ANKRD30B: variants seen among roughly 807,000 people sequenced by gnomAD.
ANKRD30B encodes ankyrin repeat domain 30B, also known as ankyrin repeat domain-containing protein 30B.
ANKRD30B carries 144 observed loss-of-function variants against 202.2 expected under a neutral mutation model. The observed-to-expected ratio is 0.71, with a 90% confidence interval of 0.62 to 0.82. The LOEUF is 0.82. Among genes scored for constraint, ANKRD30B ranks in the 40% least tolerant of loss-of-function variants. The pLI is 0.00. For missense variants in ANKRD30B, 1,487 were observed against 1,669.1 expected (o/e 0.89, Z 1.90); for synonymous variants, 508 against 561.3 (o/e 0.91, Z 1.34).
chr18:14,790,369 A>C (rs1477820051), intron 15 of ANKRD30B, among the ~76,000 whole-genome samples: 1 of 152,182 alleles, frequency 6.6e-6, no homozygotes, highest in African/African-American at 2.4e-5. Context: ...TTCCTAATTG[A>C]ATACCCTTTA....
At chr18:14,806,360 C>T (rs1467815093) in intron 24 of ANKRD30B, among the ~76,000 whole-genome samples, 1 of 151,020 alleles carries the variant, frequency 6.6e-6, no homozygotes, top group African/African-American at 2.4e-5. Flanking sequence ...TCCTACTTCA[C>T]GCTATATTAG....
rs1971918004 is a variant in ANKRD30B at position 14,852,223 on chromosome 18, A to G, written c.4279A>G (p.Ser1427Gly). The change falls in exon 42 of 44, where the codon AGC (serine) becomes GGC (glycine). Residue 1427 changes from serine (S) to glycine (G), a missense_variant. Physicochemically the swap from Ser to Gly is moderately conservative, Grantham distance 56. Transcript: ENST00000690538. The part of the protein sequence containing the change: ...SLEQKLFQLE[S>G]KNRWLRQQLV... Reference sequence around the variant, plus strand: ...GGAGCAGAAATTATTTCAACTAGAAAGCAAAAATAGGTGGCTTCGACAGCA... The same window carrying G: ...GGAGCAGAAATTATTTCAACTAGAAGGCAAAAATAGGTGGCTTCGACAGCA... 6.3e-7 allele frequency: 1 copy of G among 1,583,452 alleles called. No homozygotes were observed. Among genetic ancestry groups the G allele is most frequent in the Admixed American group, 1.8e-5 (1 of 56,710 alleles).
intron 30 of ANKRD30B, among the ~76,000 whole-genome samples, chr18:14,820,763 G>C (rs980580762): frequency 9.9e-5 from 15 of 152,198 alleles, no homozygotes; most frequent in African/African-American, 3.4e-4. Context: ...GATTCATTTT[G>C]CCAGTATTTT....
chr18:14,894,258 T>A, the ANKRD30B span, among the ~76,000 whole-genome samples: 12 of 152,324 alleles, frequency 7.9e-5, no homozygotes, highest in East Asian at 1.2e-3. Flanking sequence ...ATTACTTTTT[T>A]AAAAAATTAT....
At chr18:14,821,757 C>G (rs1970434783) in intron 30 of ANKRD30B, among the ~76,000 whole-genome samples, 1 of 152,140 alleles carries the variant, frequency 6.6e-6, no homozygotes. Flanking sequence ...GGCACCTGGA[C>G]TGTATTAGTT....
chr18:14,818,461 C>A (rs1303552882), intron 30 of ANKRD30B, among the ~76,000 whole-genome samples: 1 of 151,388 alleles, frequency 6.6e-6, no homozygotes, highest in South Asian at 2.1e-4. Flanking sequence ...GCTGCACCCA[C>A]CAACTCGTCA....
the ANKRD30B span, among the ~76,000 whole-genome samples, chr18:14,860,529 C>A: frequency 7.0e-6 from 1 of 143,344 alleles, no homozygotes; most frequent in Admixed American, 7.1e-5. Context: ...CCCCACTTCC[C>A]AGACAAGGTG....
At chr18:14,831,254 G>A in intron 33 of ANKRD30B, 129 bp from the exon 34 acceptor site, 1 of 477,796 alleles carries the variant, frequency 2.1e-6, no homozygotes, top group Non-Finnish European at 3.8e-6. Context: ...TTAATATATT[G>A]AGGACTGATC....
Position 14,808,517 on chromosome 18 carries a change from A to G in ANKRD30B, c.2285-34A>G, listed in dbSNP as rs760051065. On this transcript the variant is annotated intron_variant, in intron 24 of 43. Coordinates refer to ENST00000690538, the MANE Select transcript of ANKRD30B (RefSeq NM_001367607.2). The stretch of plus-strand genomic sequence containing the variant: ...GCTTGGTAGGCTTTGTCAGGCTTGC[A>G]TATAATCAATTATATATGTCCCTTT... 2.9e-5 allele frequency: 41 copies of G among 1,402,508 alleles called. 2 individuals are homozygous for G. The highest frequency in any genetic ancestry group is 3.8e-5 in the Non-Finnish European group (38 of 993,152). The allele number at this position is 1,402,508 out of a possible 1,614,324, so 86.9% of individuals were successfully genotyped here. A position where few individuals can be genotyped will look rare whatever the true frequency, so the allele number is the denominator to read the frequency against.
At chr18:14,911,567 C>A in the ANKRD30B span, among the ~76,000 whole-genome samples, 1 of 151,760 alleles carries the variant, frequency 6.6e-6, no homozygotes, top group Non-Finnish European at 1.5e-5. Context: ...GTGATGCCTC[C>A]TCCTTTGTTC....
chr18:14,932,645 C>A, the ANKRD30B span, among the ~76,000 whole-genome samples: 1 of 152,164 alleles, frequency 6.6e-6, no homozygotes, highest in South Asian at 2.1e-4. Flanking sequence ...CCTCCCCTAT[C>A]TCTATCTTAA....
At chr18:14,793,665 C>T (rs1417654333) in intron 16 of ANKRD30B, among the ~76,000 whole-genome samples, 22 of 152,150 alleles carry the variant, frequency 1.4e-4, no homozygotes, top group African/African-American at 4.8e-4. Context: ...GAGGCCGAGG[C>T]GGGCGGATCA....
At chr18:14,759,830 C>G (rs1190114716) in intron 5 of ANKRD30B, among the ~76,000 whole-genome samples, 5 of 152,108 alleles carry the variant, frequency 3.3e-5, no homozygotes, top group Admixed American at 1.3e-4. Flanking sequence ...CATCTAATAA[C>G]CAAAAGTAGG....
rs545723902 is a variant in ANKRD30B at position 14,809,385 on chromosome 18, A to C, written c.2387-601A>C. 8.5e-4 allele frequency among the ~76,000 whole-genome samples: 129 copies of C among 151,130 alleles called. 9 individuals are homozygous for C. The highest frequency in any genetic ancestry group is 3.2e-3 in the African/African-American group (129 of 40,928). On this transcript the variant is annotated intron_variant, in intron 26 of 43. Coordinates refer to ENST00000690538, the MANE Select transcript of ANKRD30B (RefSeq NM_001367607.2). Reference sequence around the variant, plus strand: ...GTAACAGTTGCAGCAAAAGCTGGTTAGAAACAATCCATAGAAACACAATGT... The same window carrying C: ...GTAACAGTTGCAGCAAAAGCTGGTTCGAAACAATCCATAGAAACACAATGT...
chr18:14,865,121 C>G, the ANKRD30B span, among the ~76,000 whole-genome samples: 101 of 152,138 alleles, frequency 6.6e-4, no homozygotes, highest in Middle Eastern at 0.017. Context: ...TCTTCTCCCC[C>G]TCCATCTACC....
chr18:14,763,571 A>G, intron 6 of ANKRD30B, 115 bp from the exon 7 acceptor site: 2 of 1,427,642 alleles, frequency 1.4e-6, no homozygotes, highest in Non-Finnish European at 1.9e-6. Flanking sequence ...GAGAGAAAAG[A>G]AAAGTTTGGT....
At chr18:14,890,065 C>G in the ANKRD30B span, 100 of 1,277,262 alleles carry the variant, frequency 7.8e-5, no homozygotes, top group South Asian at 9.8e-4. Context: ...ACAATCCCAA[C>G]TGCCACTGTC....
the ANKRD30B span, among the ~76,000 whole-genome samples, chr18:14,924,173 C>G: frequency 2.0e-3 from 301 of 152,316 alleles, 4 homozygotes; most frequent in Middle Eastern, 3.4e-3. Flanking sequence ...TCCTTCTCAC[C>G]TTACCAAACT....
At chr18:14,833,066 A>G (rs1387990256) in intron 34 of ANKRD30B, among the ~76,000 whole-genome samples, 1 of 151,348 alleles carries the variant, frequency 6.6e-6, no homozygotes, top group Non-Finnish European at 1.5e-5. Flanking sequence ...CCTCCTGTGT[A>G]GCTGGGACAG....
Sources: gnomAD v4.1 joint callset for allele counts (sites outside exome capture counted in the v4.1 genomes callset) on GRCh38, gnomAD v4.1.1 for gene constraint, MANE v1.5 for transcripts, NCBI Gene and HGNC (gene_info 2026-07-23, HGNC 2026-07-21) for gene names.